The following PTPRM variants were observed in gnomAD, a reference collection of about 807,000 sequenced individuals.
The protein encoded by PTPRM is protein tyrosine phosphatase receptor type M, also known as receptor-type tyrosine-protein phosphatase mu.
In PTPRM, 47 loss-of-function variants were observed where a neutral mutation model predicts 186.7. The observed-to-expected ratio is 0.25, with a 90% CI of 0.20 to 0.32. The LOEUF (loss-of-function observed/expected upper bound fraction) is 0.32. PTPRM is among the 10% of genes least tolerant of loss of function. The pLI, the probability that PTPRM is intolerant of heterozygous loss-of-function variation, is 1.00. For missense variants in PTPRM, 1,494 were observed against 1,865.0 expected, an observed-to-expected ratio of 0.80 and a Z score of 3.66; for synonymous variants, 668 against 674.9, an observed-to-expected ratio of 0.99 and a Z score of 0.16.
At chr18:8,361,340 G>C (rs1465289358) in intron 23 of PTPRM, among the ~76,000 whole-genome samples, 1 of 152,128 alleles carries the variant, frequency 6.6e-6, no homozygotes, top group Non-Finnish European at 1.5e-5. Flanking sequence ...TGGAGCACCC[G>C]GAGCTCTATA....
At chr18:7,959,102 A>G (rs779564983) in intron 7 of PTPRM, among the ~76,000 whole-genome samples, 7 of 152,172 alleles carry the variant, frequency 4.6e-5, no homozygotes, top group Non-Finnish European at 5.9e-5. Flanking sequence ...TATGTGTTTC[A>G]TTGTTTTGTT....
At chr18:7,693,966 G>A (rs2039788818) in intron 1 of PTPRM, among the ~76,000 whole-genome samples, 1 of 152,166 alleles carries the variant, frequency 6.6e-6, no homozygotes, top group African/African-American at 2.4e-5. Flanking sequence ...CAATTCTGTG[G>A]TGCCGTATCT....
At chr18:7,590,038 T>C (rs1166710292) in intron 1 of PTPRM, among the ~76,000 whole-genome samples, 1 of 152,220 alleles carries the variant, frequency 6.6e-6, no homozygotes, top group African/African-American at 2.4e-5. Flanking sequence ...GTTATCTTAT[T>C]ACATGGATCT....
chr18:8,014,340 T>G, intron 7 of PTPRM, among the ~76,000 whole-genome samples: 1 of 152,220 alleles, frequency 6.6e-6, no homozygotes, highest in Non-Finnish European at 1.5e-5. Flanking sequence ...AATCTTATTT[T>G]TCCTGTTTTG....
At chr18:7,712,447 C>G (rs578168976) in intron 1 of PTPRM, among the ~76,000 whole-genome samples, 1 of 151,740 alleles carries the variant, frequency 6.6e-6, no homozygotes, top group Non-Finnish European at 1.5e-5. Context: ...ACTGGAATGC[C>G]GAATGCCTCT....
chr18:7,852,963 C>G (rs2046937654), intron 2 of PTPRM, among the ~76,000 whole-genome samples: 2 of 152,096 alleles, frequency 1.3e-5, no homozygotes, highest in Non-Finnish European at 2.9e-5. Context: ...TGACTTTAGG[C>G]AAGAAACTTA....
intron 1 of PTPRM, among the ~76,000 whole-genome samples, chr18:7,738,666 C>A (rs1269136511): frequency 6.6e-6 from 1 of 151,204 alleles, no homozygotes; most frequent in Non-Finnish European, 1.5e-5. Context: ...TGGTCTCGAT[C>A]TCCTGACCTC....
chr18:7,796,488 G>A (rs2043655668), intron 2 of PTPRM, among the ~76,000 whole-genome samples: 1 of 152,194 alleles, frequency 6.6e-6, no homozygotes, highest in South Asian at 2.1e-4. Context: ...TTCATTCTGG[G>A]AGAGCAGCGT....
intron 7 of PTPRM, among the ~76,000 whole-genome samples, chr18:7,963,315 G>A (rs2053804011): frequency 1.3e-5 from 2 of 152,170 alleles, no homozygotes; most frequent in African/African-American, 4.8e-5. Context: ...CCTTAAACAC[G>A]GATTCAGCAC....
At chr18:8,297,820 C>T (rs898943775) in intron 20 of PTPRM, among the ~76,000 whole-genome samples, 4 of 152,088 alleles carry the variant, frequency 2.6e-5, no homozygotes, top group African/African-American at 9.7e-5. Context: ...CCAGTGTTGC[C>T]AGGTATAAAT....
intron 2 of PTPRM, among the ~76,000 whole-genome samples, chr18:7,874,112 GT>G (rs892047918): frequency 2.9e-4 from 32 of 112,094 alleles, no homozygotes; most frequent in African/African-American, 1.9e-3. Context: ...AGTAGGAAAA[GT>G]TTTAAAAAAA....
chr18:8,157,744 A>G (rs923197452), intron 14 of PTPRM, among the ~76,000 whole-genome samples: 2 of 152,182 alleles, frequency 1.3e-5, no homozygotes, highest in African/African-American at 4.8e-5. Context: ...CAATACTACC[A>G]TGCTTGGGGA....
chr18:7,749,501 T>A (rs867778236), intron 1 of PTPRM: 122 of 152,318 alleles, frequency 8.0e-4, no homozygotes, highest in African/African-American at 2.8e-3. Context: ...GTTTTTATTT[T>A]AAGTGAGATT....
intron 2 of PTPRM, among the ~76,000 whole-genome samples, chr18:7,798,386 G>A (rs1329509757): frequency 1.3e-5 from 2 of 151,194 alleles, no homozygotes; most frequent in African/African-American, 4.9e-5. Flanking sequence ...AAAATTAGCT[G>A]GGCGTGGTGG....
At chr18:7,752,840 A>G (rs2144643878) in intron 1 of PTPRM, among the ~76,000 whole-genome samples, 1 of 152,278 alleles carries the variant, frequency 6.6e-6, no homozygotes, top group Non-Finnish European at 1.5e-5. Flanking sequence ...CCTTTTAGTT[A>G]GGCACTTGGC....
At chr18:7,579,077 G>T (rs1206389148) in intron 1 of PTPRM, among the ~76,000 whole-genome samples, 1 of 152,148 alleles carries the variant, frequency 6.6e-6, no homozygotes, top group Non-Finnish European at 1.5e-5. Context: ...TGTGTATGTG[G>T]TTATGTATGT....
At chr18:8,230,235 A>C (rs1376096627) in intron 14 of PTPRM, among the ~76,000 whole-genome samples, 4 of 152,206 alleles carry the variant, frequency 2.6e-5, no homozygotes, top group African/African-American at 9.6e-5. Context: ...TTTGTGATAA[A>C]TGTATGTCTG....
At chr18:7,752,368 T>G (rs1668750125) in intron 1 of PTPRM, among the ~76,000 whole-genome samples, 1 of 152,172 alleles carries the variant, frequency 6.6e-6, no homozygotes, top group Non-Finnish European at 1.5e-5. Context: ...TTAAAAAAAT[T>G]TCTATAATTT....
At chr18:8,209,039 A>T (rs1026334098) in intron 14 of PTPRM, among the ~76,000 whole-genome samples, 1 of 152,144 alleles carries the variant, frequency 6.6e-6, no homozygotes. Flanking sequence ...GTGAAGTCAG[A>T]TAGGGCATAG....
Sources: allele counts gnomAD v4.1 joint callset (sites outside exome capture counted in the v4.1 genomes callset), GRCh38; gene constraint gnomAD v4.1.1; transcripts MANE v1.5; gene names NCBI Gene and HGNC (gene_info 2026-07-23, HGNC 2026-07-21).